The following EPHA3 variants were observed in gnomAD, a reference collection of about 807,000 sequenced individuals.
EPHA3 encodes ephrin type-A receptor 3.
EPHA3 carries 42 observed loss-of-function variants against 107.1 expected under a neutral mutation model. That is an observed-to-expected ratio of 0.39 (90% CI 0.31 to 0.51). The LOEUF is 0.51. EPHA3 is among the 20% of genes least tolerant of loss of function. The probability of loss-of-function intolerance (pLI) is 0.78; values close to 1 mark genes in which losing one functional copy is unlikely to be tolerated. For missense variants in EPHA3, 1,183 were observed against 1,211.2 expected (o/e 0.98, Z 0.35); for synonymous variants, 461 against 424.8 (o/e 1.09, Z -1.05).
intron 5 of EPHA3, among the ~76,000 whole-genome samples, chr3:89,345,627 T>A (rs1463903175): frequency 6.7e-6 from 1 of 149,990 alleles, no homozygotes; most frequent in East Asian, 1.9e-4. Context: ...TTCTTTTTTT[T>A]TTTTATACTT....
intron 3 of EPHA3, among the ~76,000 whole-genome samples, chr3:89,282,919 T>C (rs1472825795): frequency 6.6e-6 from 1 of 152,140 alleles, no homozygotes. Context: ...CTGAAAGGCT[T>C]TGCCTTTATT....
intron 3 of EPHA3, among the ~76,000 whole-genome samples, chr3:89,306,194 A>C (rs1014179290): frequency 6.6e-6 from 1 of 152,160 alleles, no homozygotes; most frequent in African/African-American, 2.4e-5. Flanking sequence ...CCATTACACA[A>C]AAGATAAACC....
Position 89,298,765 on chromosome 3 carries a change from A to G in EPHA3, c.815-42151A>G, listed in dbSNP as rs149163097. 2.6e-3 allele frequency among the ~76,000 whole-genome samples: 402 copies of G among 152,264 alleles called. 3 individuals are homozygous for G. Among genetic ancestry groups the G allele is most frequent in the Middle Eastern group, 0.01 (3 of 294 alleles). ...AATTATTTTAACATGGAGTACATAT[A>G]TGGGATATGTAAATTAAATATTATA... On this transcript the variant is annotated intron_variant, in intron 3 of 16. Transcript: ENST00000336596.
chr3:89,314,315 T>TC (rs1706840555), intron 3 of EPHA3, among the ~76,000 whole-genome samples: 2 of 152,104 alleles, frequency 1.3e-5, no homozygotes, highest in Admixed American at 1.3e-4. Context: ...TTTTGTTTCT[T>TC]CTCATAGTGA....
rs544463955 is a variant in EPHA3 at position 89,159,191 on chromosome 3, T to C, written c.153+31918T>C. Among the ~76,000 whole-genome samples the C allele has an allele frequency of 2.0e-5, 3 of 152,290 alleles. No individual in the cohort carries two copies. In the East Asian group the frequency reaches 5.8e-4, roughly 29 times the overall value. On this transcript the variant is annotated intron_variant, in intron 2 of 16. Transcript: ENST00000336596. ...GCATTTTGATAATCAAAGATTTTAT[T>C]TTTAGCATCATTTCTATAGCCCTGA... is the stretch of plus-strand genomic sequence containing the variant.
intron 2 of EPHA3, among the ~76,000 whole-genome samples, chr3:89,161,166 G>T (rs998161074): frequency 1.3e-5 from 2 of 152,022 alleles, no homozygotes; most frequent in African/African-American, 2.4e-5. Flanking sequence ...AAATCATTTT[G>T]ATTTCCCTGG....
chr3:89,419,966 T>G (rs1322392084), intron 11 of EPHA3, among the ~76,000 whole-genome samples: 1 of 151,416 alleles, frequency 6.6e-6, no homozygotes, highest in Non-Finnish European at 1.5e-5. Flanking sequence ...CTTACTGCTC[T>G]GTGGAAGCTC....
intron 2 of EPHA3, among the ~76,000 whole-genome samples, chr3:89,204,813 G>A (rs1356206244): frequency 2.6e-5 from 4 of 152,122 alleles, no homozygotes; most frequent in Non-Finnish European, 5.9e-5. Context: ...CCAGGACGAA[G>A]ACTGGATTTT....
chr3:89,335,628 A>G (rs1707376297), intron 3 of EPHA3, among the ~76,000 whole-genome samples: 2 of 152,226 alleles, frequency 1.3e-5, no homozygotes, highest in South Asian at 4.1e-4. Context: ...TTATCAACTT[A>G]GACTCATGGA....
intron 3 of EPHA3, among the ~76,000 whole-genome samples, chr3:89,337,697 A>G (rs1177426821): frequency 2.0e-5 from 3 of 152,240 alleles, no homozygotes; most frequent in Admixed American, 6.5e-5. Context: ...TAAAACACAC[A>G]TACAGATCAA....
At chr3:89,286,849 A>G (rs1320826034) in intron 3 of EPHA3, among the ~76,000 whole-genome samples, 1 of 152,060 alleles carries the variant, frequency 6.6e-6, no homozygotes, top group Non-Finnish European at 1.5e-5. Context: ...AGCAAGTAAA[A>G]GCACTTTTCC....
intron 2 of EPHA3, among the ~76,000 whole-genome samples, chr3:89,158,226 A>C (rs756479987): frequency 6.6e-6 from 1 of 152,134 alleles, no homozygotes; most frequent in Non-Finnish European, 1.5e-5. Context: ...AAACCTAAAC[A>C]GCTTGACTCC....
At chr3:89,344,270 C>G (rs532038618) in intron 5 of EPHA3, among the ~76,000 whole-genome samples, 92 of 152,184 alleles carry the variant, frequency 6.0e-4, no homozygotes, top group African/African-American at 2.2e-3. Context: ...AAAGTGGCAA[C>G]CAAGATCAGG....
At chr3:89,195,270 T>G (rs561875306) in intron 2 of EPHA3, among the ~76,000 whole-genome samples, 1 of 152,210 alleles carries the variant, frequency 6.6e-6, no homozygotes, top group Non-Finnish European at 1.5e-5. Context: ...CTCATAACGT[T>G]ATCTCCAAGT....
chr3:89,225,675 A>G (rs1559608976), intron 3 of EPHA3, among the ~76,000 whole-genome samples: 1 of 152,200 alleles, frequency 6.6e-6, no homozygotes, highest in Admixed American at 6.5e-5. Context: ...TTACACTTTC[A>G]GGAACACTGA....
chr3:89,414,201 T>C (rs746491590), intron 10 of EPHA3, among the ~76,000 whole-genome samples: 2 of 151,674 alleles, frequency 1.3e-5, no homozygotes, highest in African/African-American at 2.4e-5. Context: ...TCTTTTTCTA[T>C]ACACCAAAGT....
chr3:89,148,227 A>G (rs1704611155), intron 2 of EPHA3, among the ~76,000 whole-genome samples: 1 of 151,984 alleles, frequency 6.6e-6, no homozygotes, highest in African/African-American at 2.4e-5. Flanking sequence ...AAATGAAAAC[A>G]CTAACATATA....
At chr3:89,404,260 G>C (rs952338591) in intron 7 of EPHA3, among the ~76,000 whole-genome samples, 1 of 152,196 alleles carries the variant, frequency 6.6e-6, no homozygotes, top group Non-Finnish European at 1.5e-5. Context: ...GTAGGAAATA[G>C]AGTACTTTTG....
At position 89,211,947 on chromosome 3, in the gene EPHA3, A is replaced by G. The variant is rs536435292; in HGVS notation, c.814+1427A>G. Reference sequence around the variant, plus strand: ...AGAGAAAATAAAGGAGGGTAGAAAGAAATATTGGCGACTAAAGAACGATTT... The same window carrying G: ...AGAGAAAATAAAGGAGGGTAGAAAGGAATATTGGCGACTAAAGAACGATTT... On this transcript the variant is annotated intron_variant, in intron 3 of 16. Transcript: ENST00000336596. Among the ~76,000 whole-genome samples, 8 of 152,032 alleles carry G rather than the reference A, an allele frequency of 5.3e-5. No homozygotes were observed. In the South Asian group the frequency reaches 1.5e-3, roughly 28 times the overall value.
Sources: gnomAD v4.1 joint callset for allele counts (sites outside exome capture counted in the v4.1 genomes callset) on GRCh38, gnomAD v4.1.1 for gene constraint, MANE v1.5 for transcripts, NCBI Gene and HGNC (gene_info 2026-07-23, HGNC 2026-07-21) for gene names.